Variants in CEP63 observed in about 807,000 individuals in gnomAD.
The protein encoded by CEP63 is centrosomal protein 63.
Under a neutral mutation model 89.1 loss-of-function variants are expected in CEP63, and 84 were observed. The ratio of observed to expected loss-of-function variants is 0.94; its 90% confidence interval spans 0.79 to 1.13. CEP63 has a LOEUF of 1.13. Among genes scored for constraint, CEP63 ranks in the 50% most tolerant of loss-of-function variants. The probability of loss-of-function intolerance (pLI) is 0.00; values close to 1 mark genes in which losing one functional copy is unlikely to be tolerated. For missense variants in CEP63, 838 were observed against 813.3 expected, an observed-to-expected ratio of 1.03 and a Z score of -0.37; for synonymous variants, 267 against 272.5, an observed-to-expected ratio of 0.98 and a Z score of 0.20.
chr3:134,527,472 T>C (rs1948901140), intron 3 of CEP63, among the ~76,000 whole-genome samples: 1 of 151,888 alleles, frequency 6.6e-6, no homozygotes, highest in South Asian at 2.1e-4. Context: ...CTGTCTGCAG[T>C]GGTGGTCAGT....
At chr3:134,498,318 A>G (rs1275781472) in intron 2 of CEP63, among the ~76,000 whole-genome samples, 5 of 150,600 alleles carry the variant, frequency 3.3e-5, no homozygotes, top group Admixed American at 2.0e-4. Context: ...TCTGGTAGCT[A>G]TTGTAAATGG....
chr3:134,729,149 C>G, the CEP63 span, among the ~76,000 whole-genome samples: 2 of 152,040 alleles, frequency 1.3e-5, no homozygotes, highest in Non-Finnish European at 2.9e-5. Flanking sequence ...TCACATGGTT[C>G]TAAAATCAAA....
chr3:134,738,249 TACACACACACACACACACACAC>T, the CEP63 span, among the ~76,000 whole-genome samples: 1 of 145,596 alleles, frequency 6.9e-6, no homozygotes, highest in Non-Finnish European at 1.5e-5. Context: ...TATTCCATCA[TACACACACACACACACACACAC>T]ACACACACAC....
chr3:134,699,969 C>A, the CEP63 span, among the ~76,000 whole-genome samples: 2 of 152,204 alleles, frequency 1.3e-5, no homozygotes, highest in Admixed American at 1.3e-4. Context: ...CGTGGTGAGG[C>A]CATGAGATGC....
chr3:134,781,474 G>C, the CEP63 span, among the ~76,000 whole-genome samples: 1 of 152,200 alleles, frequency 6.6e-6, no homozygotes, highest in Admixed American at 6.5e-5. Flanking sequence ...ACACAAAGGT[G>C]GGAACAACAG....
intron 5 of CEP63, 47 bp from the exon 6 acceptor site, chr3:134,537,108 A>C: frequency 2.7e-6 from 3 of 1,128,272 alleles, no homozygotes; most frequent in Non-Finnish European, 4.1e-6. Flanking sequence ...AAGTAGTGAC[A>C]GTGAGGAGAA....
chr3:134,677,218 C>T, the CEP63 span, among the ~76,000 whole-genome samples: 2 of 152,186 alleles, frequency 1.3e-5, no homozygotes, highest in Admixed American at 1.3e-4. Flanking sequence ...CAGATGGCGC[C>T]ATTGCACTCC....
chr3:134,580,194 CAA>C lies in CEP63; in HGVS notation c.1207-7249_1207-7248del, dbSNP rs58009929. On this transcript the variant is annotated intron_variant, in intron 10 of 10. Coordinates refer to the CEP63 transcript ENST00000683931. ...TGGGCGACAGAGTGAGACTCCACCT[CAA>C]AAAAAAAAAAAAAACACTAAGTAAA... Among the ~76,000 whole-genome samples, 1,019 of 112,122 alleles carry C rather than the reference CAA, an allele frequency of 9.1e-3. 10 individuals carry two copies. Among genetic ancestry groups the C allele is most frequent in the African/African-American group, 0.032 (919 of 28,854 alleles). The allele number at this position is 112,122 out of a possible 152,430, so 73.6% of individuals were successfully genotyped here.
chr3:134,515,671 C>G (rs1239834124), intron 3 of CEP63, among the ~76,000 whole-genome samples: 1 of 152,194 alleles, frequency 6.6e-6, no homozygotes, highest in Non-Finnish European at 1.5e-5. Flanking sequence ...TTCCTTTTAG[C>G]TATTAAATAT....
At chr3:134,676,795 T>A in the CEP63 span, among the ~76,000 whole-genome samples, 1 of 152,066 alleles carries the variant, frequency 6.6e-6, no homozygotes, top group African/African-American at 2.4e-5. Flanking sequence ...GCTTCCTAGG[T>A]TGGGGTGGGT....
the CEP63 span, among the ~76,000 whole-genome samples, chr3:134,765,712 G>A: frequency 6.6e-6 from 1 of 152,192 alleles, no homozygotes; most frequent in East Asian, 1.9e-4. Flanking sequence ...GGGGGCGTAA[G>A]GAGAGACTGG....
At chr3:134,726,744 A>C in the CEP63 span, among the ~76,000 whole-genome samples, 1 of 152,066 alleles carries the variant, frequency 6.6e-6, no homozygotes, top group African/African-American at 2.4e-5. Flanking sequence ...CCCACACGAC[A>C]TAATTTCCCC....
Position 134,561,977 on chromosome 3 carries a change from A to G in CEP63, c.*442A>G, listed in dbSNP as rs1470753250. The G allele has an allele frequency of 5.9e-6, 6 of 1,019,360 alleles. No homozygotes were observed. The African/African-American group carries it at 1.0e-4, about 18-fold the overall frequency. 63.1% of individuals were successfully genotyped at this position (1,019,360 alleles called of 1,614,324 possible). A position where few individuals can be genotyped will look rare whatever the true frequency, so the allele number is the denominator to read the frequency against. ...CGATAGACTGGTTTTGCCACTTACC[A>G]GCCAACGGGGCTTGTTATTTACTGG... is the stretch of plus-strand genomic sequence containing the variant. On this transcript the variant is annotated 3_prime_UTR_variant, in exon 15 of 15. Transcript: ENST00000675561.
chr3:134,655,090 G>A, the CEP63 span, among the ~76,000 whole-genome samples: 1 of 152,334 alleles, frequency 6.6e-6, no homozygotes, highest in Non-Finnish European at 1.5e-5. Context: ...TCTGTCAAGT[G>A]GGTGAGGGTG....
the CEP63 span, chr3:134,647,462 G>T: frequency 3.1e-6 from 5 of 1,612,052 alleles, no homozygotes; most frequent in African/African-American, 6.7e-5. Flanking sequence ...TCTAATTTCT[G>T]CCATCTTCGG....
Position 134,507,206 on chromosome 3 carries a change from C to T in CEP63, c.142C>T (p.His48Tyr). 1.2e-6 allele frequency: 2 copies of T among 1,613,532 alleles called. No individual in the cohort carries two copies. Among genetic ancestry groups the T allele is most frequent in the Non-Finnish European group, 1.7e-6 (2 of 1,179,642 alleles). ...AAAATCTGAATGGGAAGGACGTACA[C>T]ATGCTCTAGAAACTTGCTTGAAAAT... ...HKKSEWEGRT[H>Y]ALETCLKIRE... The change falls in exon 3 of 15, where the codon CAT becomes TAT. Residue 48 changes from histidine to tyrosine, a missense_variant. Physicochemically the swap from His to Tyr is moderately conservative, Grantham distance 83. Coordinates refer to ENST00000675561, the MANE Select transcript of CEP63 (RefSeq NM_001353108.3).
At chr3:134,634,758 G>A in the CEP63 span, among the ~76,000 whole-genome samples, 15 of 152,102 alleles carry the variant, frequency 9.9e-5, no homozygotes, top group African/African-American at 3.6e-4. Flanking sequence ...GCATAGAGAG[G>A]GCCAACTTTT....
the CEP63 span, chr3:134,603,873 G>A: frequency 6.2e-7 from 1 of 1,614,062 alleles, no homozygotes; most frequent in African/African-American, 1.3e-5. Flanking sequence ...ACATGGGCCA[G>A]TTCACCTTGG....
chr3:134,584,491 A>G (rs1057355775), intron 10 of CEP63, among the ~76,000 whole-genome samples: 1 of 152,152 alleles, frequency 6.6e-6, no homozygotes, highest in African/African-American at 2.4e-5. Context: ...GTTGATTTGC[A>G]TATGTTGAAC....
Sources: gnomAD v4.1 joint callset for allele counts (sites outside exome capture counted in the v4.1 genomes callset) on GRCh38, gnomAD v4.1.1 for gene constraint, MANE v1.5 for transcripts, NCBI Gene and HGNC (gene_info 2026-07-23, HGNC 2026-07-21) for gene names.